GPRC5A: variants seen among roughly 807,000 people sequenced by gnomAD.
GPRC5A encodes G protein-coupled receptor class C group 5 member A.
A neutral mutation model predicts 22.5 loss-of-function variants in GPRC5A; 19 were observed. The observed-to-expected ratio is 0.85, with a 90% CI of 0.59 to 1.24. The LOEUF (loss-of-function observed/expected upper bound fraction) is 1.24, where lower values mean the gene tolerates loss of function less well. Ranked by LOEUF, GPRC5A falls within the 50% of genes most tolerant of loss-of-function variation. GPRC5A has a pLI of 0.00. For synonymous variants in GPRC5A, 192 were observed against 184.5 expected, an observed-to-expected ratio of 1.04 and a Z score of -0.33; for missense variants, 471 against 451.1, an observed-to-expected ratio of 1.04 and a Z score of -0.40.
chr12:12,912,536 C>T lies in GPRC5A; in HGVS notation c.1071C>T (p.Ser357=). 6.3e-7 allele frequency: 1 copy of T among 1,578,768 alleles called. No individual in the cohort carries two copies. Among genetic ancestry groups the T allele is most frequent in the Non-Finnish European group, 8.7e-7 (1 of 1,147,694 alleles). The change falls in exon 4 of 4, where the codon AGC becomes AGT. Residue 357 remains serine, a synonymous_variant. Coordinates refer to ENST00000014914, the MANE Select transcript of GPRC5A (RefSeq NM_003979.4). The part of the protein sequence containing the change: ...YKDYEVKKEG[S] Reference sequence around the variant, plus strand: ...ACTATGAAGTAAAGAAAGAGGGCAGCTAACTCTGTCCTGAAGAGTGGGACA... The same window carrying T: ...ACTATGAAGTAAAGAAAGAGGGCAGTTAACTCTGTCCTGAAGAGTGGGACA...
intron 1 of GPRC5A, among the ~76,000 whole-genome samples, chr12:12,896,084 G>A (rs1183800881): frequency 1.3e-5 from 2 of 150,850 alleles, no homozygotes; most frequent in East Asian, 3.9e-4. Context: ...CTTTGAATTC[G>A]GGCATAAGAG....
chr12:12,910,545 A>G (rs1464566918), intron 2 of GPRC5A, among the ~76,000 whole-genome samples: 3 of 152,154 alleles, frequency 2.0e-5, no homozygotes, highest in African/African-American at 7.2e-5. Context: ...GCCCTTCCAC[A>G]GTTGGAACCA....
At chr12:12,900,545 T>C (rs1863870699) in intron 1 of GPRC5A, among the ~76,000 whole-genome samples, 1 of 152,132 alleles carries the variant, frequency 6.6e-6, no homozygotes, top group Non-Finnish European at 1.5e-5. Context: ...CTTTCCTCCC[T>C]CTTCCTCTTG....
intron 3 of GPRC5A, 104 bp downstream of exon 3, chr12:12,912,246 C>T (rs2136463177): frequency 1.1e-6 from 1 of 947,646 alleles, no homozygotes; most frequent in East Asian, 2.4e-5. Flanking sequence ...CCTAGATGGC[C>T]ACTTGAAGGA....
At chr12:12,903,937 C>T (rs950820773) in intron 1 of GPRC5A, among the ~76,000 whole-genome samples, 1 of 152,174 alleles carries the variant, frequency 6.6e-6, no homozygotes, top group Non-Finnish European at 1.5e-5. Flanking sequence ...TCCCTCATAA[C>T]AATCAGGTAA....
chr12:12,894,449 C>T (rs1055986631), intron 1 of GPRC5A, among the ~76,000 whole-genome samples: 2 of 152,150 alleles, frequency 1.3e-5, no homozygotes, highest in Non-Finnish European at 2.9e-5. Context: ...TGCTCTGTTG[C>T]CCTGGCTGGA....
intron 1 of GPRC5A, among the ~76,000 whole-genome samples, chr12:12,898,884 A>T (rs1232970724): frequency 6.6e-6 from 1 of 152,202 alleles, no homozygotes; most frequent in Non-Finnish European, 1.5e-5. Context: ...CATTAAAAAT[A>T]ATTATTTTAA....
chr12:12,907,882 C>T (rs1863959277), intron 1 of GPRC5A, among the ~76,000 whole-genome samples: 1 of 152,212 alleles, frequency 6.6e-6, no homozygotes, highest in African/African-American at 2.4e-5. Context: ...CTGCTTCAGA[C>T]TCCTGAAGTG....
chr12:12,894,688 T>A (rs1312432157), intron 1 of GPRC5A, among the ~76,000 whole-genome samples: 1 of 150,696 alleles, frequency 6.6e-6, no homozygotes, highest in African/African-American at 2.4e-5. Flanking sequence ...GGATTATAGG[T>A]GTAAGCCTCT....
chr12:12,908,394 C>G lies in GPRC5A; in HGVS notation c.145C>G (p.Leu49Val), dbSNP rs758588022. 6.2e-7 allele frequency: 1 copy of G among 1,614,178 alleles called. No homozygotes were observed. Among genetic ancestry groups the G allele is most frequent in the South Asian group, 1.1e-5 (1 of 91,074 alleles). ...GACCTCGGTGGCCTTCATGCTCACTCTCCCGATCCTCGTCTGCAAGGTGCA... is the reference window on the plus strand; with the variant it reads ...GACCTCGGTGGCCTTCATGCTCACTGTCCCGATCCTCGTCTGCAAGGTGCA... ...VVTSVAFMLT[L>V]PILVCKVQDS... Residue 49 changes from leucine (L) to valine (V), a missense_variant, in exon 2 of 4, where the codon CTC becomes GTC. Leu to Val is a conservative substitution (Grantham distance 32, BLOSUM62 1). Transcript: ENST00000014914.
At chr12:12,911,247 T>G (rs7971572) in intron 2 of GPRC5A, among the ~76,000 whole-genome samples, 2,245 of 152,278 alleles carry the variant, frequency 0.015, 58 homozygotes, top group African/African-American at 0.051. Flanking sequence ...ATAAATGAAT[T>G]GCTTTGAACT....
At chr12:12,904,504 C>T (rs866728489) in intron 1 of GPRC5A, among the ~76,000 whole-genome samples, 18 of 152,088 alleles carry the variant, frequency 1.2e-4, no homozygotes, top group African/African-American at 3.6e-4. Flanking sequence ...TGCCATCCGT[C>T]TCTCTCTTCT....
At chr12:12,900,432 T>C (rs1474773078) in intron 1 of GPRC5A, among the ~76,000 whole-genome samples, 1 of 152,178 alleles carries the variant, frequency 6.6e-6, no homozygotes, top group East Asian at 1.9e-4. Context: ...GTCAAGTGAC[T>C]TACTTGTTCA....
At chr12:12,911,221 A>C (rs570704670) in intron 2 of GPRC5A, among the ~76,000 whole-genome samples, 1 of 152,252 alleles carries the variant, frequency 6.6e-6, no homozygotes, top group South Asian at 2.1e-4. Flanking sequence ...AATTGGGCCC[A>C]TAAATTTGGT....
At chr12:12,900,079 T>C (rs1271879438) in intron 1 of GPRC5A, among the ~76,000 whole-genome samples, 1 of 152,200 alleles carries the variant, frequency 6.6e-6, no homozygotes, top group Non-Finnish European at 1.5e-5. Flanking sequence ...CCCTGCACAG[T>C]GGTCAGTGCT....
At chr12:12,892,671 A>G (rs1049095824) in intron 1 of GPRC5A, among the ~76,000 whole-genome samples, 1 of 152,008 alleles carries the variant, frequency 6.6e-6, no homozygotes, top group Non-Finnish European at 1.5e-5. Flanking sequence ...CCGGCCACAG[A>G]TAGCTTTAAA....
chr12:12,900,887 G>A (rs1396709728), intron 1 of GPRC5A, among the ~76,000 whole-genome samples: 4 of 28,838 alleles, frequency 1.4e-4, no homozygotes, highest in South Asian at 1.4e-3. Flanking sequence ...TAAAAACTCC[G>A]TCTCAAAAAA....
At chr12:12,906,074 C>A (rs1016606213) in intron 1 of GPRC5A, among the ~76,000 whole-genome samples, 2 of 152,060 alleles carry the variant, frequency 1.3e-5, no homozygotes, top group Non-Finnish European at 2.9e-5. Context: ...AGAGGAGACA[C>A]GTAGAGTACT....
intron 1 of GPRC5A, among the ~76,000 whole-genome samples, chr12:12,907,778 C>T (rs773849086): frequency 8.5e-5 from 13 of 152,048 alleles, no homozygotes; most frequent in Non-Finnish European, 1.6e-4. Flanking sequence ...ACTACAGGTG[C>T]GTGCCACCAT....
Sources: gnomAD v4.1 joint callset for allele counts (sites outside exome capture counted in the v4.1 genomes callset) on GRCh38, gnomAD v4.1.1 for gene constraint, MANE v1.5 for transcripts, NCBI Gene and HGNC (gene_info 2026-07-23, HGNC 2026-07-21) for gene names.